The following RBPJ variants were observed in gnomAD, a reference collection of about 807,000 sequenced individuals.
RBPJ encodes recombination signal binding protein for immunoglobulin kappa J region.
Under a neutral mutation model 67.8 loss-of-function variants are expected in RBPJ, and 9 were observed. The ratio of observed to expected loss-of-function variants is 0.13; its 90% CI spans 0.08 to 0.23. RBPJ has a LOEUF of 0.23. Among genes scored for constraint, RBPJ ranks in the 10% least tolerant of loss-of-function variants. The probability of loss-of-function intolerance (pLI) is 1.00; values close to 1 mark genes in which losing one functional copy is unlikely to be tolerated. For missense variants in RBPJ, 305 were observed against 595.6 expected, an observed-to-expected ratio of 0.51 and a Z score of 5.08; for synonymous variants, 198 against 203.3, an observed-to-expected ratio of 0.97 and a Z score of 0.22.
intron 2 of RBPJ, among the ~76,000 whole-genome samples, chr4:26,388,887 G>A (rs1731201422): frequency 6.6e-6 from 1 of 152,054 alleles, no homozygotes; most frequent in South Asian, 2.1e-4. Context: ...AAGAAATAAT[G>A]GCAAAAATGT....
At chr4:26,269,975 T>C (rs972159655) in intron 1 of RBPJ, among the ~76,000 whole-genome samples, 2 of 151,946 alleles carry the variant, frequency 1.3e-5, no homozygotes, top group African/African-American at 2.4e-5. Flanking sequence ...CTGGTGTTCC[T>C]CGCCATGGGA....
chr4:26,125,146 C>G, the RBPJ span, among the ~76,000 whole-genome samples: 1 of 152,190 alleles, frequency 6.6e-6, no homozygotes, highest in Non-Finnish European at 1.5e-5. Context: ...CCCTCTTGCT[C>G]ACATCCTATT....
At chr4:26,147,888 T>C in the RBPJ span, among the ~76,000 whole-genome samples, 1 of 152,290 alleles carries the variant, frequency 6.6e-6, no homozygotes, top group Admixed American at 6.5e-5. Flanking sequence ...TAATGTTGTA[T>C]AGGACAGTGA....
intron 1 of RBPJ, among the ~76,000 whole-genome samples, chr4:26,269,239 A>T (rs1028585339): frequency 5.4e-5 from 8 of 148,962 alleles, no homozygotes; most frequent in African/African-American, 2.0e-4. Flanking sequence ...TTTATTTTTT[A>T]TTATTTATTT....
chr4:26,202,970 T>TAAGGAAGGAAGGAAGGAAGGAAGGAAGG (rs145254724), intron 1 of RBPJ, among the ~76,000 whole-genome samples: 24 of 138,608 alleles, frequency 1.7e-4, no homozygotes, highest in African/African-American at 6.2e-4. Context: ...AGGAAGGAAA[T>TAAGGAAGGAAGGAAGGAAGGAAGGAAGG]AAGGAAGGAA....
chr4:26,264,400 TC>T lies in RBPJ; in HGVS notation c.-166-98043del, dbSNP rs1476673043. Among the ~76,000 whole-genome samples the T allele has an allele frequency of 1.3e-5, 2 of 152,206 alleles. No individual in the cohort carries two copies. The highest frequency in any genetic ancestry group is 4.8e-5 in the African/African-American group (2 of 41,452). On this transcript the variant is annotated intron_variant, in intron 1 of 4. Transcript: ENST00000512351. The surrounding 1 kb of genome is among the most constrained non-coding windows in gnomAD (Gnocchi z 4.1). ...CACTATGACAGCCTTCTGACTAACC[TC>T]CCTATCTCTCTTCTTTGCCTCCTAC...
chr4:26,182,987 G>T (rs749107257), intron 1 of RBPJ, among the ~76,000 whole-genome samples: 5 of 152,182 alleles, frequency 3.3e-5, no homozygotes, highest in Non-Finnish European at 7.3e-5. Flanking sequence ...ACCTCCTGAA[G>T]GACCTGCCTG....
intron 2 of RBPJ, among the ~76,000 whole-genome samples, chr4:26,398,753 A>G (rs1406695858): frequency 6.6e-6 from 1 of 152,150 alleles, no homozygotes. Flanking sequence ...AGCTCAGACT[A>G]CAGGCGTCTG....
intron 1 of RBPJ, among the ~76,000 whole-genome samples, chr4:26,230,063 A>G (rs1394855067): frequency 1.3e-5 from 2 of 152,008 alleles, no homozygotes; most frequent in Non-Finnish European, 2.9e-5. Context: ...GGTGGCGTGC[A>G]CCTATAATCT....
At chr4:26,223,278 C>T (rs1357387337) in intron 1 of RBPJ, among the ~76,000 whole-genome samples, 3 of 152,008 alleles carry the variant, frequency 2.0e-5, no homozygotes, top group Non-Finnish European at 4.4e-5. Flanking sequence ...CACTGAGGGA[C>T]ACTCATGTGA....
intron 1 of RBPJ, among the ~76,000 whole-genome samples, chr4:26,284,846 G>A (rs28590023): frequency 0.41 from 62,716 of 151,278 alleles, 13,391 homozygotes; most frequent in Admixed American, 0.47. Flanking sequence ...CCCCAGAACA[G>A]GTTAAACTTA....
At chr4:26,294,085 T>C (rs1721769131) in intron 1 of RBPJ, among the ~76,000 whole-genome samples, 1 of 148,930 alleles carries the variant, frequency 6.7e-6, no homozygotes, top group Admixed American at 6.7e-5. Flanking sequence ...TTTGTTTTTG[T>C]TTTTGTTTTT....
At chr4:26,135,450 G>C in the RBPJ span, among the ~76,000 whole-genome samples, 6 of 152,074 alleles carry the variant, frequency 3.9e-5, no homozygotes, top group East Asian at 1.2e-3. Flanking sequence ...CTGTGAGGCA[G>C]ATGAGGCCAA....
At chr4:26,354,494 C>A (rs1040488403) in intron 1 of RBPJ, among the ~76,000 whole-genome samples, 3 of 146,410 alleles carry the variant, frequency 2.0e-5, no homozygotes, top group African/African-American at 2.5e-5. Context: ...GCTCTGTTAC[C>A]CAGGCAGTGC....
intron 2 of RBPJ, among the ~76,000 whole-genome samples, chr4:26,391,758 A>G (rs561155714): frequency 3.3e-5 from 5 of 152,358 alleles, no homozygotes; most frequent in South Asian, 2.1e-4. Context: ...AATCCAAAGA[A>G]TGTGTGAATA....
chr4:26,138,493 G>A, the RBPJ span, among the ~76,000 whole-genome samples: 1 of 152,172 alleles, frequency 6.6e-6, no homozygotes, highest in African/African-American at 2.4e-5. Context: ...CAGAGATGTT[G>A]GCGGAACTAA....
In RBPJ at chr4:26,164,878, G is replaced by C. The variant is rs548429757; in HGVS notation, c.-167+1264G>C. Among the ~76,000 whole-genome samples the C allele has an allele frequency of 4.6e-4, 70 of 152,272 alleles. 1 individual carries two copies. In the South Asian group the frequency reaches 0.014, roughly 31 times the overall value. Reference sequence around the variant, plus strand: ...GGTTTTGTAGACCACCAGAAGTCTAGAGGCCAGAAAACCAGGGAGGCCTGG... The same window carrying C: ...GGTTTTGTAGACCACCAGAAGTCTACAGGCCAGAAAACCAGGGAGGCCTGG... On this transcript the variant is annotated intron_variant, in intron 1 of 4. Coordinates refer to the RBPJ transcript ENST00000512351.
At chr4:26,121,668 A>C in the RBPJ span, among the ~76,000 whole-genome samples, 5 of 152,158 alleles carry the variant, frequency 3.3e-5, no homozygotes, top group African/African-American at 1.2e-4. Flanking sequence ...CATAGTCTTA[A>C]CCAAAATGGA....
chr4:26,274,688 C>T (rs768827554), intron 1 of RBPJ, among the ~76,000 whole-genome samples: 13 of 152,062 alleles, frequency 8.5e-5, no homozygotes, highest in Admixed American at 2.0e-4. Context: ...GTAATCCCAG[C>T]TCTTCGGGAG....
Sources: allele counts gnomAD v4.1 joint callset (sites outside exome capture counted in the v4.1 genomes callset), GRCh38; gene constraint gnomAD v4.1.1; non-coding constraint Gnocchi (gnomAD v3.1); transcripts MANE v1.5; gene names NCBI Gene and HGNC (gene_info 2026-07-23, HGNC 2026-07-21).